KRT79: variants seen among roughly 807,000 people sequenced by gnomAD.
KRT79 encodes the protein keratin, type II cytoskeletal 79.
In KRT79, 51 loss-of-function variants were observed where a neutral mutation model predicts 49.0. The observed-to-expected ratio is 1.04, with a 90% confidence interval of 0.83 to 1.31. KRT79 has a LOEUF of 1.31. Among genes scored for constraint, KRT79 ranks in the 40% most tolerant of loss-of-function variants. KRT79 has a pLI of 0.00. For synonymous variants in KRT79, 312 were observed against 286.6 expected (o/e 1.09, Z -0.90); for missense variants, 728 against 688.0 (o/e 1.06, Z -0.65).
At position 52,826,383 on chromosome 12, in the gene KRT79, T is replaced by TG. The variant is rs1940175998; in HGVS notation, c.856-2022dup. Reference sequence around the variant, plus strand: ...CAAAAATTAGCCAGGCATGGTGACGTGCGCCTGTAATCCCAGCTACTTGGG... The same window carrying TG: ...CAAAAATTAGCCAGGCATGGTGACGTGGCGCCTGTAATCCCAGCTACTTGGG... On this transcript the variant is annotated intron_variant, in intron 4 of 8. Coordinates refer to ENST00000330553, the MANE Select transcript of KRT79 (RefSeq NM_175834.3). Among the ~76,000 whole-genome samples, 9 of 151,900 alleles carry TG rather than the reference T, an allele frequency of 5.9e-5. No individual in the cohort carries two copies. In the South Asian group the frequency reaches 1.9e-3, roughly 32 times the overall value.
chr12:52,827,755 G>A (rs569521246), intron 4 of KRT79, among the ~76,000 whole-genome samples: 3 of 152,302 alleles, frequency 2.0e-5, no homozygotes, highest in South Asian at 4.1e-4. Context: ...AAGGCCAATC[G>A]CTCAGCTGCT....
rs1940288784 is a variant in KRT79, at chr12:52,833,653, G to A, written c.477+131C>T. 7.6e-6 allele frequency: 6 copies of A among 794,668 alleles called. No individual in the cohort carries two copies. In the South Asian group the frequency reaches 7.8e-5, roughly 10 times the overall value. 49.2% of individuals were successfully genotyped at this position (794,668 alleles called of 1,614,324 possible). On this transcript the variant is annotated intron_variant, in intron 1 of 8. Coordinates refer to ENST00000330553, the MANE Select transcript of KRT79 (RefSeq NM_175834.3). ...GTCTCGGCATCCCAGGCTCAGACCG[G>A]GAGAGCTCCAGAGCTCTATCAACCA...
intron 4 of KRT79, among the ~76,000 whole-genome samples, chr12:52,825,230 A>G (rs1034332077): frequency 6.6e-6 from 1 of 152,080 alleles, no homozygotes; most frequent in Non-Finnish European, 1.5e-5. Context: ...CAAATCACTC[A>G]TTCACTCAGT....
intron 1 of KRT79, 111 bp downstream of exon 1, chr12:52,833,673 C>A: frequency 1.1e-6 from 1 of 896,912 alleles, no homozygotes; most frequent in South Asian, 1.4e-5. Flanking sequence ...AGAGCTCTAT[C>A]AACCACCACC....
chr12:52,826,446 G>A (rs1046468950), intron 4 of KRT79, among the ~76,000 whole-genome samples: 4 of 150,868 alleles, frequency 2.7e-5, no homozygotes, highest in East Asian at 3.9e-4. Context: ...CCAGGAGGTC[G>A]AGACTGTAGT....
Position 52,834,205 on chromosome 12 carries a change from T to C in KRT79, c.56A>G (p.Asn19Ser), listed in dbSNP as rs1271744497. ...TYSTKGGFSSNSASGGSGSQA... is the reference protein window; with the variant it reads ...TYSTKGGFSSSSASGGSGSQA... ...GGACCCACTCCCTCCGCTGGCAGAG[T>C]TGGAGCTGAAGCCCCCTTTTGTGGA... is the stretch of plus-strand genomic sequence containing the variant. The change falls in exon 1 of 9, where the codon AAC (asparagine) becomes AGC (serine). Residue 19 changes from asparagine to serine, a missense_variant. Transcript: ENST00000330553. 2 of 1,613,676 alleles carry C rather than the reference T, an allele frequency of 1.2e-6. No individual in the cohort carries two copies. The highest frequency in any genetic ancestry group is 2.2e-5 in the East Asian group (1 of 44,840).
At chr12:52,830,382 T>TC in intron 2 of KRT79, 90 bp from the exon 3 acceptor site, 1 of 1,050,656 alleles carries the variant, frequency 9.5e-7, no homozygotes, top group South Asian at 1.3e-5. Flanking sequence ...CCCTGATGGG[T>TC]CCCTCACTGA....
Position 52,821,690 on chromosome 12 carries a change from A to C in KRT79, c.*182T>G. On this transcript the variant is annotated 3_prime_UTR_variant, in exon 9 of 9. Transcript: ENST00000330553. ...ACCTTCCCTCCCATCCTACTGCAGG[A>C]CCAAGGAGAAAACCTGAGTAGATTT... 3.2e-6 allele frequency: 2 copies of C among 620,032 alleles called. No individual in the cohort carries two copies. Among genetic ancestry groups the C allele is most frequent in the Non-Finnish European group, 5.7e-6 (2 of 352,474 alleles). The allele number at this position is 620,032 out of a possible 1,614,324, so 38.4% of individuals were successfully genotyped here. A position where few individuals can be genotyped will look rare whatever the true frequency, so the allele number is the denominator to read the frequency against.
At chr12:52,823,578 G>A (rs1057088716) in intron 6 of KRT79, among the ~76,000 whole-genome samples, 6 of 152,158 alleles carry the variant, frequency 3.9e-5, no homozygotes, top group African/African-American at 1.2e-4. Flanking sequence ...AGGTGGAGTC[G>A]GCATCAGCAT....
intron 8 of KRT79, 82 bp from the exon 9 acceptor site, chr12:52,822,159 G>A (rs2121273828): frequency 1.4e-6 from 2 of 1,455,040 alleles, no homozygotes; most frequent in Non-Finnish European, 1.9e-6. Flanking sequence ...TGGGGAATCA[G>A]AACAAAATCA....
At position 52,824,212 on chromosome 12, in the gene KRT79, A is replaced by C; in HGVS notation, c.1006T>G (p.Trp336Gly). 6.2e-7 allele frequency: 1 copy of C among 1,614,216 alleles called. No individual in the cohort carries two copies. Among genetic ancestry groups the C allele is most frequent in the Non-Finnish European group, 8.5e-7 (1 of 1,180,034 alleles). ...AQRSRAEAEA[W>G]YQTKYEELQV... ...ATGCCTCTCACCTTGGTCTGGTACCAGGCCTCGGCCTCAGCCCGGCTCCTC... is the reference window on the plus strand; with the variant it reads ...ATGCCTCTCACCTTGGTCTGGTACCCGGCCTCGGCCTCAGCCCGGCTCCTC... Residue 336 changes from tryptophan (W) to glycine (G), a missense_variant, in exon 5 of 9, where the codon TGG (tryptophan) becomes GGG (glycine). Coordinates refer to ENST00000330553, the MANE Select transcript of KRT79 (RefSeq NM_175834.3).
rs1224012049 is a variant in KRT79, at chr12:52,821,835, G to A, written c.*37C>T. 1 of 1,587,196 alleles carries A rather than the reference G, an allele frequency of 6.3e-7. No individual in the cohort carries two copies. Among genetic ancestry groups the A allele is most frequent in the Non-Finnish European group, 8.6e-7 (1 of 1,159,536 alleles). ...CAGCAGAGGTGGGGTGAGGAGGGCA[G>A]GGACAGGATTGCAGGGGCCCTTGCA... is the stretch of plus-strand genomic sequence containing the variant. On this transcript the variant is annotated 3_prime_UTR_variant, in exon 9 of 9. Transcript: ENST00000330553.
chr12:52,834,020 A>G lies in KRT79; in HGVS notation c.241T>C (p.Leu81=), dbSNP rs1429266346. ...CCAAAGCCCCCCAGAGCCCGCCCCA[A>G]CAAGGCCCCTCCGGCCACACTGACA... is the stretch of plus-strand genomic sequence containing the variant. ...ISVSVAGGAL[L]GRALGGFGFG... is the part of the protein sequence containing the mutation. Residue 81 remains leucine, a synonymous_variant, in exon 1 of 9, where the codon TTG becomes CTG. Transcript: ENST00000330553. 6.8e-6 allele frequency: 11 copies of G among 1,612,792 alleles called. No individual in the cohort carries two copies. Among genetic ancestry groups the G allele is most frequent in the South Asian group, 2.2e-5 (2 of 90,980 alleles).
chr12:52,830,098 C>A lies in KRT79; in HGVS notation c.780G>T (p.Met260Ile). Residue 260 changes from methionine (M) to isoleucine (I), a missense_variant, in exon 4 of 9, where the codon ATG becomes ATT. Transcript: ENST00000330553. Reference sequence around the variant, plus strand: ...CTTTGCCATGCAGATCCATCCGGCCCATGTATGCTGCATCCACATCCTGGG... The same window carrying A: ...CTTTGCCATGCAGATCCATCCGGCCAATGTATGCTGCATCCACATCCTGGG... ...VLKKDVDAAY[M>I]GRMDLHGKVG... 1.2e-6 allele frequency: 2 copies of A among 1,614,160 alleles called. No homozygotes were observed. Among genetic ancestry groups the A allele is most frequent in the Non-Finnish European group, 1.7e-6 (2 of 1,180,022 alleles).
chr12:52,829,858 T>C lies in KRT79; in HGVS notation c.855+165A>G, dbSNP rs1162747687. Among the ~76,000 whole-genome samples, 4 of 151,990 alleles carry C rather than the reference T, an allele frequency of 2.6e-5. No individual in the cohort carries two copies. The East Asian group carries it at 5.8e-4, about 22-fold the overall frequency. ...GTGAGCCAAGACTGTGCCACTACAC[T>C]CCAGCCTGGGTAACACAGCGAAACT... On this transcript the variant is annotated intron_variant, in intron 4 of 8. Transcript: ENST00000330553.
Position 52,828,362 on chromosome 12 carries a change from A to G in KRT79, c.855+1661T>C, listed in dbSNP as rs190351395. On this transcript the variant is annotated intron_variant, in intron 4 of 8. Transcript: ENST00000330553. ...CAGACTAACAGTCCCTTGGAAAATC[A>G]CCACTGAAGACCCACAGGACTTTGT... Among the ~76,000 whole-genome samples, 98 of 152,356 alleles carry G rather than the reference A, an allele frequency of 6.4e-4. 1 individual carries two copies. Among genetic ancestry groups the G allele is most frequent in the Admixed American group, 4.6e-3 (71 of 15,308 alleles).
At chr12:52,831,179 G>A (rs976527839) in intron 2 of KRT79, among the ~76,000 whole-genome samples, 14 of 152,180 alleles carry the variant, frequency 9.2e-5, no homozygotes, top group African/African-American at 3.1e-4. Context: ...AGGAACATGG[G>A]GTTCATTATA....
In KRT79 at chr12:52,831,540, C is replaced by T; in HGVS notation, c.564G>A (p.Arg188=). The change falls in exon 2 of 9, where the codon AGG becomes AGA. Residue 188 remains arginine, a synonymous_variant. Transcript: ENST00000330553. ...CCTCAAAGAGGGGCTCCAGGTTGTT[C>T]CTGGTGACACCCAAGTTCTGGCCCT... ...QEQGQNLGVT[R]NNLEPLFEAY... 1 of 1,614,252 alleles carries T rather than the reference C, an allele frequency of 6.2e-7. No individual in the cohort carries two copies. The highest frequency in any genetic ancestry group is 8.5e-7 in the Non-Finnish European group (1 of 1,180,048).
chr12:52,831,676 G>A (rs1940258371), intron 1 of KRT79, 50 bp from the exon 2 acceptor site: 2 of 1,507,238 alleles, frequency 1.3e-6, no homozygotes, highest in African/African-American at 1.4e-5. Context: ...GGTCACCAGA[G>A]GAGCCAAGGA....
Sources: gnomAD v4.1 joint callset for allele counts (sites outside exome capture counted in the v4.1 genomes callset) on GRCh38, gnomAD v4.1.1 for gene constraint, MANE v1.5 for transcripts, NCBI Gene and HGNC (gene_info 2026-07-23, HGNC 2026-07-21) for gene names.